DNAH14: variants seen among roughly 807,000 people sequenced by gnomAD.
The protein encoded by DNAH14 is axonemal beta dynein heavy chain 14.
A neutral mutation model predicts 520.9 loss-of-function variants in DNAH14; 478 were observed. The ratio of observed to expected loss-of-function variants is 0.92; its 90% CI spans 0.85 to 0.99. DNAH14 has a LOEUF of 0.99. Among genes scored for constraint, DNAH14 ranks in the 50% least tolerant of loss-of-function variants. DNAH14 has a pLI of 0.00. For missense variants in DNAH14, 4,831 were observed against 5,234.5 expected, an observed-to-expected ratio of 0.92 and a Z score of 2.38; for synonymous variants, 1,581 against 1,757.2, an observed-to-expected ratio of 0.90 and a Z score of 2.51.
Position 225,275,920 on chromosome 1 carries a change from T to C in DNAH14, c.8017T>C (p.Trp2673Arg). 2.9e-6 allele frequency: 1 copy of C among 339,710 alleles called. No homozygotes were observed. The highest frequency in any genetic ancestry group is 5.9e-6 in the Non-Finnish European group (1 of 169,960). The allele number at this position is 339,710 out of a possible 1,614,324, so 21.0% of individuals were successfully genotyped here. A position where few individuals can be genotyped will look rare whatever the true frequency, so the allele number is the denominator to read the frequency against. ...RELENCFQIQ[W>R]TQENLMNHST... ...AATTCTTATCTTACAATAGATTCAG[T>C]GGACCCAAGAAAACCTGATGAATCA... Residue 2673 changes from tryptophan to arginine, a missense_variant, in exon 53 of 86, where the codon TGG (tryptophan) becomes CGG (arginine). Trp to Arg is a moderately radical substitution (Grantham distance 101). Coordinates refer to ENST00000682510, the MANE Select transcript of DNAH14 (RefSeq NM_001367479.1).
At chr1:225,143,485 G>T (rs1399702671) in intron 28 of DNAH14, among the ~76,000 whole-genome samples, 1 of 151,972 alleles carries the variant, frequency 6.6e-6, no homozygotes, top group Non-Finnish European at 1.5e-5. Context: ...TTCCAGAAAG[G>T]ATTTAAAAGG....
chr1:225,111,998 T>C (rs1031669294), intron 23 of DNAH14, among the ~76,000 whole-genome samples: 1 of 152,146 alleles, frequency 6.6e-6, no homozygotes, highest in Non-Finnish European at 1.5e-5. Flanking sequence ...TTGTATGATC[T>C]ATGTCTTGAA....
intron 56 of DNAH14, among the ~76,000 whole-genome samples, chr1:225,302,863 A>G (rs1270093620): frequency 1.3e-5 from 2 of 152,180 alleles, no homozygotes; most frequent in East Asian, 3.9e-4. Context: ...AGAGTTAAAC[A>G]GTCAGACCCA....
chr1:225,171,906 AG>A (rs2082720382), intron 36 of DNAH14, among the ~76,000 whole-genome samples: 1 of 152,198 alleles, frequency 6.6e-6, no homozygotes, highest in Admixed American at 6.5e-5. Context: ...CACATCAAAA[AG>A]CTTCTCCACT....
intron 23 of DNAH14, among the ~76,000 whole-genome samples, chr1:225,106,568 C>T (rs1053377620): frequency 3.3e-5 from 5 of 152,156 alleles, no homozygotes; most frequent in Admixed American, 6.5e-5. Flanking sequence ...TTCTTGGAGG[C>T]TTTGTCGTTT....
intron 1 of DNAH14, among the ~76,000 whole-genome samples, chr1:224,941,960 T>C (rs2059448126): frequency 6.6e-6 from 1 of 152,170 alleles, no homozygotes; most frequent in South Asian, 2.1e-4. Flanking sequence ...CCAGCTTTGT[T>C]CTTTGGCTTA....
chr1:225,267,840 G>C (rs1051374091), intron 49 of DNAH14, among the ~76,000 whole-genome samples: 1 of 151,678 alleles, frequency 6.6e-6, no homozygotes, highest in African/African-American at 2.4e-5. Context: ...ACGTCAGTCA[G>C]ACTGAAACAA....
chr1:224,951,598 T>G (rs2125488517), intron 1 of DNAH14, among the ~76,000 whole-genome samples: 1 of 151,956 alleles, frequency 6.6e-6, no homozygotes, highest in South Asian at 2.1e-4. Flanking sequence ...CTGTCCTACA[T>G]TGATGTTATA....
At chr1:225,260,248 A>T (rs1159116888) in intron 46 of DNAH14, among the ~76,000 whole-genome samples, 1 of 152,028 alleles carries the variant, frequency 6.6e-6, no homozygotes, top group African/African-American at 2.4e-5. Flanking sequence ...GCTACTCGGA[A>T]GACTGAGGCA....
intron 23 of DNAH14, among the ~76,000 whole-genome samples, chr1:225,106,612 C>G (rs1044561837): frequency 6.6e-5 from 10 of 152,092 alleles, no homozygotes; most frequent in African/African-American, 2.2e-4. Context: ...CTTTTCTTCT[C>G]ACTTCATTTC....
chr1:225,358,048 G>A (rs1455946903), intron 73 of DNAH14, among the ~76,000 whole-genome samples: 3 of 152,130 alleles, frequency 2.0e-5, no homozygotes, highest in Non-Finnish European at 4.4e-5. Flanking sequence ...TATAAAGATT[G>A]TGCCATTTGT....
chr1:225,370,391 A>T (rs2095605626), intron 77 of DNAH14, among the ~76,000 whole-genome samples: 2 of 151,780 alleles, frequency 1.3e-5, no homozygotes, highest in South Asian at 4.2e-4. Flanking sequence ...GCCAGGTGGC[A>T]CGCCTGTACT....
At chr1:225,091,524 G>A (rs965333688) in intron 21 of DNAH14, among the ~76,000 whole-genome samples, 1 of 152,104 alleles carries the variant, frequency 6.6e-6, no homozygotes, top group African/African-American at 2.4e-5. Context: ...TTTCGGACAA[G>A]CAAATGCTGA....
intron 36 of DNAH14, among the ~76,000 whole-genome samples, chr1:225,174,466 C>T (rs1333576095): frequency 6.6e-6 from 1 of 151,994 alleles, no homozygotes; most frequent in Non-Finnish European, 1.5e-5. Flanking sequence ...TAATTTCTTT[C>T]TCAGTCAGTG....
At chr1:225,198,012 T>C (rs1211500437) in intron 38 of DNAH14, among the ~76,000 whole-genome samples, 2 of 152,192 alleles carry the variant, frequency 1.3e-5, no homozygotes, top group Admixed American at 6.5e-5. Flanking sequence ...TCTTTATTGA[T>C]TTGGATGCCT....
At chr1:225,107,310 C>T (rs1300216973) in intron 23 of DNAH14, among the ~76,000 whole-genome samples, 3 of 152,190 alleles carry the variant, frequency 2.0e-5, no homozygotes, top group South Asian at 2.1e-4. Context: ...TCTCAGGCTA[C>T]TCGGGGATCA....
At chr1:225,271,862 C>T (rs927714938) in intron 50 of DNAH14, 44 bp from the exon 51 acceptor site, 1 of 1,500,620 alleles carries the variant, frequency 6.7e-7, no homozygotes, top group Admixed American at 2.2e-5. Context: ...GTAGTCTATA[C>T]CTCAAATTTT....
chr1:225,159,009 AT>A (rs1420141683), intron 34 of DNAH14, among the ~76,000 whole-genome samples: 1 of 152,172 alleles, frequency 6.6e-6, no homozygotes, highest in African/African-American at 2.4e-5. Flanking sequence ...GTTATTTTTT[AT>A]TTTACATTAG....
intron 42 of DNAH14, among the ~76,000 whole-genome samples, chr1:225,240,016 G>A (rs1477918910): frequency 6.6e-6 from 1 of 152,128 alleles, no homozygotes; most frequent in African/African-American, 2.4e-5. Flanking sequence ...AATCCAGAGT[G>A]GAGAAGACTC....
Sources: allele counts gnomAD v4.1 joint callset (sites outside exome capture counted in the v4.1 genomes callset), GRCh38; gene constraint gnomAD v4.1.1; transcripts MANE v1.5; gene names NCBI Gene and HGNC (gene_info 2026-07-23, HGNC 2026-07-21).